The following DIS3L2 variants were observed in gnomAD, a reference collection of about 807,000 sequenced individuals.
DIS3L2 encodes the protein DIS3 like 3'-5' exoribonuclease 2, also known as DIS3-like exonuclease 2.
Under a neutral mutation model 97.5 loss-of-function variants are expected in DIS3L2, and 34 were observed. That is an observed-to-expected ratio of 0.35 (90% confidence interval 0.27 to 0.46). The LOEUF (loss-of-function observed/expected upper bound fraction) is 0.46. Ranked by LOEUF, DIS3L2 falls within the 20% of genes least tolerant of loss-of-function variation. The probability of loss-of-function intolerance (pLI) is 1.00; values close to 1 mark genes in which losing one functional copy is unlikely to be tolerated. For synonymous variants in DIS3L2, 435 were observed against 445.2 expected, an observed-to-expected ratio of 0.98 and a Z score of 0.29; for missense variants, 1,038 against 1,146.0, an observed-to-expected ratio of 0.91 and a Z score of 1.36.
chr2:232,024,331 G>C lies in DIS3L2; in HGVS notation c.264+1G>C. 6.3e-7 allele frequency: 1 copy of C among 1,596,224 alleles called. No homozygotes were observed. The highest frequency in any genetic ancestry group is 1.1e-5 in the South Asian group (1 of 87,054). On this transcript the variant is annotated splice_donor_variant, in intron 4 of 20. Coordinates refer to ENST00000325385, the MANE Select transcript of DIS3L2 (RefSeq NM_152383.5). LOFTEE classifies it high-confidence loss of function. ...TCATGAAGCCTTCATTCCTTCCCCG[G>C]TAAGTTCAATAAATTTATAATAAAC... is the stretch of plus-strand genomic sequence containing the variant.
At chr2:232,015,767 A>G in intron 3 of DIS3L2, 96 bp downstream of exon 3, 1 of 1,431,876 alleles carries the variant, frequency 7.0e-7, no homozygotes, top group East Asian at 2.3e-5. Flanking sequence ...GCTTTCAGAG[A>G]GACGATGATG....
intron 1 of DIS3L2, chr2:231,978,350 A>G (rs1693155073): frequency 6.6e-6 from 1 of 152,204 alleles, no homozygotes; most frequent in African/African-American, 2.4e-5. Context: ...TTGTATCCCT[A>G]AACTGTGGTT....
chr2:232,330,633 A>G, intron 15 of DIS3L2, 57 bp from the exon 16 acceptor site: 1 of 1,574,124 alleles, frequency 6.4e-7, no homozygotes, highest in Non-Finnish European at 8.7e-7. Flanking sequence ...GACAGGGCCC[A>G]GAGTCTCTGC....
At chr2:232,108,048 G>A (rs1306734277) in intron 6 of DIS3L2, among the ~76,000 whole-genome samples, 1 of 152,056 alleles carries the variant, frequency 6.6e-6, no homozygotes, top group Non-Finnish European at 1.5e-5. Context: ...CAGCATCAAC[G>A]TGATACCAAA....
chr2:232,139,966 T>A (rs1446970738), intron 8 of DIS3L2, among the ~76,000 whole-genome samples: 2 of 152,174 alleles, frequency 1.3e-5, no homozygotes, highest in Non-Finnish European at 2.9e-5. Flanking sequence ...GAATCTTGGA[T>A]GAACTTTCAG....
intron 9 of DIS3L2, among the ~76,000 whole-genome samples, chr2:232,200,754 T>C (rs1691869915): frequency 6.6e-6 from 1 of 151,828 alleles, no homozygotes; most frequent in South Asian, 2.1e-4. Flanking sequence ...TCAAGTCATC[T>C]AGATGCTGAA....
At chr2:232,260,162 T>G (rs1307180471) in intron 12 of DIS3L2, 1 of 152,266 alleles carries the variant, frequency 6.6e-6, no homozygotes, top group East Asian at 1.9e-4. Flanking sequence ...TGACGTTCCC[T>G]GAGCATGCTG....
intron 14 of DIS3L2, among the ~76,000 whole-genome samples, chr2:232,318,374 C>T (rs1244746263): frequency 1.3e-5 from 2 of 152,268 alleles, no homozygotes; most frequent in African/African-American, 4.8e-5. Context: ...CAAGTGTTCT[C>T]TGGCCCAGTT....
intron 8 of DIS3L2, among the ~76,000 whole-genome samples, chr2:232,148,748 C>CTTTTTTTTTTTTT (rs34837114): frequency 2.0e-5 from 2 of 98,900 alleles, no homozygotes; most frequent in African/African-American, 3.9e-5. Context: ...AATTTTCTTT[C>CTTTTTTTTTTTTT]TTTTTTTTTT....
chr2:232,120,352 C>T (rs957475685), intron 6 of DIS3L2, among the ~76,000 whole-genome samples: 3 of 152,254 alleles, frequency 2.0e-5, no homozygotes, highest in Admixed American at 6.5e-5. Flanking sequence ...CAGCCACTTC[C>T]GAGCTGGTCA....
rs1266059826 is a variant in DIS3L2 at position 232,270,904 on chromosome 2, C to G, written c.1659+7464C>G. On this transcript the variant is annotated intron_variant, in intron 13 of 20. Transcript: ENST00000325385. ...TCTCTCTCTCTCTCTCTCTCTCTCT[C>G]TCTCTCTCTCTGTCTCGTCTCTCTC... Among the ~76,000 whole-genome samples, 691 of 139,580 alleles carry G rather than the reference C, an allele frequency of 5.0e-3. 6 individuals carry two copies. The highest frequency in any genetic ancestry group is 0.018 in the African/African-American group (641 of 34,942). 91.6% of individuals were successfully genotyped at this position (139,580 alleles called of 152,430 possible). A position where few individuals can be genotyped will look rare whatever the true frequency, so the allele number is the denominator to read the frequency against.
intron 9 of DIS3L2, among the ~76,000 whole-genome samples, chr2:232,185,427 A>G (rs966662496): frequency 6.6e-6 from 1 of 152,258 alleles, no homozygotes; most frequent in Admixed American, 6.5e-5. Flanking sequence ...ACATATTAAA[A>G]TATGTGAGAT....
At chr2:232,105,296 TCTGTG>T (rs1271011809) in intron 6 of DIS3L2, among the ~76,000 whole-genome samples, 1 of 152,142 alleles carries the variant, frequency 6.6e-6, no homozygotes, top group East Asian at 1.9e-4. Context: ...ATAGGGTAAT[TCTGTG>T]TTTAGCTTTA....
At chr2:232,214,209 C>T (rs910273734) in intron 10 of DIS3L2, among the ~76,000 whole-genome samples, 3 of 152,174 alleles carry the variant, frequency 2.0e-5, no homozygotes, top group South Asian at 2.1e-4. Context: ...CTGACCTCAA[C>T]GCTGAAGTGT....
chr2:231,966,648 T>A (rs1252170705), intron 1 of DIS3L2, among the ~76,000 whole-genome samples: 1 of 100,606 alleles, frequency 9.9e-6, no homozygotes, highest in South Asian at 3.4e-4. Flanking sequence ...AACATTTTTT[T>A]TTTTTTTTTT....
intron 6 of DIS3L2, among the ~76,000 whole-genome samples, chr2:232,104,015 A>T (rs910658050): frequency 6.6e-6 from 1 of 151,730 alleles, no homozygotes; most frequent in Non-Finnish European, 1.5e-5. Context: ...CCTTTTTTTA[A>T]CACTAGCTAG....
chr2:232,217,333 C>G (rs549950781), intron 10 of DIS3L2, among the ~76,000 whole-genome samples: 1 of 152,296 alleles, frequency 6.6e-6, no homozygotes, highest in South Asian at 2.1e-4. Context: ...CCTGCTGCCA[C>G]CCTGCAACAA....
chr2:232,285,287 A>G (rs1400049281), intron 13 of DIS3L2, among the ~76,000 whole-genome samples: 4 of 152,104 alleles, frequency 2.6e-5, no homozygotes, highest in Admixed American at 6.5e-5. Flanking sequence ...AAGCCAACCT[A>G]TCTCTCACCT....
intron 6 of DIS3L2, among the ~76,000 whole-genome samples, chr2:232,093,384 AG>A (rs2106315697): frequency 6.6e-6 from 1 of 152,230 alleles, no homozygotes; most frequent in South Asian, 2.1e-4. Flanking sequence ...TTTTGATATC[AG>A]GGTAATATTG....
Sources: gnomAD v4.1 joint callset for allele counts (sites outside exome capture counted in the v4.1 genomes callset) on GRCh38, gnomAD v4.1.1 for gene constraint, MANE v1.5 for transcripts, NCBI Gene and HGNC (gene_info 2026-07-23, HGNC 2026-07-21) for gene names.